Variants in DGLUCY observed in about 807,000 individuals in gnomAD.
DGLUCY encodes the protein D-glutamate cyclase, mitochondrial.
Under a neutral mutation model 58.5 loss-of-function variants are expected in DGLUCY, and 58 were observed. The ratio of observed to expected loss-of-function variants is 0.99; its 90% CI spans 0.80 to 1.23. The LOEUF (loss-of-function observed/expected upper bound fraction) is 1.23. DGLUCY is among the 50% of genes most tolerant of loss of function. The pLI is 0.00. For missense variants in DGLUCY, 779 were observed against 784.7 expected (o/e 0.99, Z 0.09); for synonymous variants, 325 against 314.1 (o/e 1.03, Z -0.37).
chr14:91,176,587 A>AT (rs1172348452), intron 7 of DGLUCY, among the ~76,000 whole-genome samples: 2 of 151,818 alleles, frequency 1.3e-5, no homozygotes, highest in Non-Finnish European at 2.9e-5. Flanking sequence ...TTACAACTCA[A>AT]TTTTTTTGTC....
chr14:91,161,799 C>T (rs565790611), intron 3 of DGLUCY, among the ~76,000 whole-genome samples: 2 of 122,442 alleles, frequency 1.6e-5, no homozygotes, highest in African/African-American at 6.2e-5. Context: ...AAAGTAATTG[C>T]GATTTTTGCC....
At chr14:91,200,111 C>T (rs939649091) in intron 11 of DGLUCY, among the ~76,000 whole-genome samples, 2 of 152,046 alleles carry the variant, frequency 1.3e-5, no homozygotes, top group Non-Finnish European at 2.9e-5. Flanking sequence ...TGCACCACCA[C>T]GCCTGGCTAA....
chr14:91,135,358 G>A (rs2046264537), intron 1 of DGLUCY, among the ~76,000 whole-genome samples: 1 of 152,094 alleles, frequency 6.6e-6, no homozygotes, highest in Admixed American at 6.6e-5. Flanking sequence ...CATTAAGTAT[G>A]GTATAGGCAG....
intron 11 of DGLUCY, among the ~76,000 whole-genome samples, chr14:91,200,878 T>TA (rs1366699366): frequency 1.3e-5 from 2 of 151,958 alleles, no homozygotes; most frequent in East Asian, 3.9e-4. Flanking sequence ...CATTAGTTCT[T>TA]ATAGGTTTGG....
intron 1 of DGLUCY, among the ~76,000 whole-genome samples, chr14:91,098,429 C>G (rs2044431375): frequency 6.6e-6 from 1 of 152,048 alleles, no homozygotes; most frequent in Non-Finnish European, 1.5e-5. Context: ...GCACTCCCAG[C>G]CTGGGTGACA....
chr14:91,099,169 G>A (rs1259265849), intron 1 of DGLUCY, among the ~76,000 whole-genome samples: 4 of 152,186 alleles, frequency 2.6e-5, no homozygotes, highest in African/African-American at 9.6e-5. Context: ...CTAACCTACT[G>A]AAGAGAACAG....
At chr14:91,070,852 CAGCAGGTAGAA>C in intron 1 of DGLUCY, among the ~76,000 whole-genome samples, 1 of 152,262 alleles carries the variant, frequency 6.6e-6, no homozygotes, top group Non-Finnish European at 1.5e-5. Flanking sequence ...AGACTTGAGT[CAGCAGGTAGAA>C]AGCACACACT....
chr14:91,112,645 AG>A, upstream of DGLUCY, among the ~76,000 whole-genome samples: 1 of 152,288 alleles, frequency 6.6e-6, no homozygotes, highest in East Asian at 1.9e-4. Context: ...TTCCAAAAAA[AG>A]AAAAAAAAGG....
chr14:91,102,727 A>C (rs1455728105), intron 1 of DGLUCY, among the ~76,000 whole-genome samples: 1 of 100,702 alleles, frequency 9.9e-6, no homozygotes, highest in Non-Finnish European at 2.1e-5. Context: ...TGCTGCTGGG[A>C]CCCCTTCCAG....
At chr14:91,111,234 GTGTGTGTGTGTGTGTA>G (rs1566944330), upstream of DGLUCY, among the ~76,000 whole-genome samples, 43 of 111,418 alleles carry the variant, frequency 3.9e-4, 2 homozygotes, top group Admixed American at 1.6e-3. Context: ...GTGTGTGTGT[GTGTGTGTGTGTGTGTA>G]TATATCTATA....
intron 1 of DGLUCY, among the ~76,000 whole-genome samples, chr14:91,066,234 C>T (rs918868240): frequency 6.6e-6 from 1 of 151,730 alleles, no homozygotes; most frequent in South Asian, 2.1e-4. Context: ...AAAAATTAGC[C>T]GGGCCTGGTG....
intron 1 of DGLUCY, among the ~76,000 whole-genome samples, chr14:91,094,825 A>C (rs1240584796): frequency 2.0e-5 from 3 of 146,500 alleles, no homozygotes; most frequent in Non-Finnish European, 3.0e-5. Flanking sequence ...CTCTCTCTCA[A>C]AAAAAAAAAA....
chr14:91,098,176 A>T (rs2044428005), intron 1 of DGLUCY, among the ~76,000 whole-genome samples: 1 of 152,314 alleles, frequency 6.6e-6, no homozygotes, highest in East Asian at 1.9e-4. Context: ...GTGGCTGGGA[A>T]CCATAGTTCA....
chr14:91,167,822 C>T (rs1349385851), intron 4 of DGLUCY: 11 of 616,100 alleles, frequency 1.8e-5, no homozygotes, highest in African/African-American at 5.5e-5. Context: ...ACCTCTCCCA[C>T]GAGTCTACCT....
In DGLUCY at chr14:91,157,622, T is replaced by G. The variant is rs1427109731; in HGVS notation, c.-81-17T>G. ...TGATTGGTGTATATTGAAGGCATTT[T>G]TTTTTTGACTTTGCAGGAGCCAAGT... On this transcript the variant is annotated splice_polypyrimidine_tract_variant and intron_variant, in intron 1 of 13. Transcript: ENST00000256324. The G allele has an allele frequency of 6.6e-6, 1 of 152,158 alleles. No individual in the cohort carries two copies. The allele number at this position is 152,158 out of a possible 1,614,324, so 9.4% of individuals were successfully genotyped here.
At chr14:91,221,873 A>G (rs1031486956) in intron 13 of DGLUCY, among the ~76,000 whole-genome samples, 7 of 152,082 alleles carry the variant, frequency 4.6e-5, no homozygotes, top group African/African-American at 1.4e-4. Flanking sequence ...AACAGTTCCA[A>G]CTTCCCAGAA....
chr14:91,111,878 C>A (rs2044707883), upstream of DGLUCY, among the ~76,000 whole-genome samples: 2 of 152,314 alleles, frequency 1.3e-5, no homozygotes, highest in African/African-American at 4.8e-5. Context: ...GTATGTATCA[C>A]ATGTTGTTTA....
chr14:91,090,006 A>G (rs893041353), intron 1 of DGLUCY, among the ~76,000 whole-genome samples: 37 of 152,162 alleles, frequency 2.4e-4, no homozygotes, highest in African/African-American at 8.4e-4. Context: ...CACTGATCCA[A>G]TCATGGGACA....
rs746645112 is a variant in DGLUCY at position 91,188,958 on chromosome 14, CCT to C, written c.991_992del (p.Ser331AlafsTer20). 6.2e-6 allele frequency: 10 copies of C among 1,614,164 alleles called. No homozygotes were observed. In the South Asian group the frequency reaches 1.1e-4, roughly 18 times the overall value. On this transcript the variant is annotated frameshift_variant, in exon 9 of 14. Transcript: ENST00000256324. LOFTEE classifies it high-confidence loss of function. ...CTCTGTAAAGATGAGCTGCTGAAGGCCTCTCTCTCGCTGTCCCATGCCCGCTC... is the reference window on the plus strand; with the variant it reads ...CTCTGTAAAGATGAGCTGCTGAAGGCCTCTCTCGCTGTCCCATGCCCGCTC...
Sources: gnomAD v4.1 joint callset for allele counts (sites outside exome capture counted in the v4.1 genomes callset) on GRCh38, gnomAD v4.1.1 for gene constraint, MANE v1.5 for transcripts, NCBI Gene and HGNC (gene_info 2026-07-23, HGNC 2026-07-21) for gene names.